Variants in FGD2 observed in about 807,000 individuals in gnomAD.
FGD2 encodes the protein FYVE, RhoGEF and PH domain containing 2.
FGD2 carries 52 observed loss-of-function variants against 75.9 expected under a neutral mutation model. That is an observed-to-expected ratio of 0.69 (90% CI 0.55 to 0.86). FGD2 has a LOEUF of 0.86. FGD2 is among the 40% of genes least tolerant of loss of function. FGD2 has a pLI of 0.00. For synonymous variants in FGD2, 347 were observed against 348.6 expected (o/e 1.00, Z 0.05); for missense variants, 790 against 872.0 (o/e 0.91, Z 1.18).
rs781196997 is a variant in FGD2 at position 37,028,615 on chromosome 6, C to CTTCTTTTTTT, written c.*454_*455insCTTTTTTTTT. 1.1e-4 allele frequency: 9 copies of CTTCTTTTTTT among 79,026 alleles called. No homozygotes were observed. Among genetic ancestry groups the CTTCTTTTTTT allele is most frequent in the African/African-American group, 5.0e-4 (9 of 18,144 alleles). 4.9% of individuals were successfully genotyped at this position (79,026 alleles called of 1,614,324 possible). A position where few individuals can be genotyped will look rare whatever the true frequency, so the allele number is the denominator to read the frequency against. ...GGCTGAGTTGGGGGAGGCATGGGGT[C>CTTCTTTTTTT]TTTTTTTTTTTTTTTTTGAGACAGA... On this transcript the variant is annotated 3_prime_UTR_variant, in exon 16 of 16. Coordinates refer to ENST00000274963, the MANE Select transcript of FGD2 (RefSeq NM_173558.4).
chr6:37,018,283 C>T (rs955475585), intron 9 of FGD2, among the ~76,000 whole-genome samples: 11 of 152,110 alleles, frequency 7.2e-5, no homozygotes, highest in Non-Finnish European at 1.6e-4. Flanking sequence ...CTGTGTGTGC[C>T]GGGTCTCTGG....
rs773073020 is a variant in FGD2 at position 37,009,059 on chromosome 6, G to A, written c.294G>A (p.Gly98=). The change falls in exon 2 of 16, where the codon GGG becomes GGA. Residue 98 remains glycine (G), a synonymous_variant. Transcript: ENST00000274963. ...SCQPVTLSGS[G]TQEPEKKIVQ... Reference sequence around the variant, plus strand: ...AGCCTGTGACCCTCTCAGGATCGGGGACGCAGGTGCCTGAGGGCTGAGGTA... The same window carrying A: ...AGCCTGTGACCCTCTCAGGATCGGGAACGCAGGTGCCTGAGGGCTGAGGTA... 5 of 1,613,944 alleles carry A rather than the reference G, an allele frequency of 3.1e-6. No homozygotes were observed. Among genetic ancestry groups the A allele is most frequent in the Non-Finnish European group, 4.2e-6 (5 of 1,179,936 alleles).
chr6:37,021,755 C>T (rs1765601224), intron 12 of FGD2, 151 bp downstream of exon 12: 1 of 698,694 alleles, frequency 1.4e-6, no homozygotes, highest in Admixed American at 2.9e-5. Flanking sequence ...CCAGCGCATC[C>T]CCCGACTCAG....
In FGD2 at chr6:37,028,229, C is replaced by A; in HGVS notation, c.*66C>A. 2.2e-6 allele frequency: 3 copies of A among 1,391,860 alleles called. No homozygotes were observed. The highest frequency in any genetic ancestry group is 2.8e-6 in the Non-Finnish European group (3 of 1,053,346). 86.2% of individuals were successfully genotyped at this position (1,391,860 alleles called of 1,614,324 possible). ...GAACCCAGCTCCTGCCACAGACTGACCCTGTGGCCTCAGTGACCCACTGCC... is the reference window on the plus strand; with the variant it reads ...GAACCCAGCTCCTGCCACAGACTGAACCTGTGGCCTCAGTGACCCACTGCC... On this transcript the variant is annotated 3_prime_UTR_variant, in exon 16 of 16. Coordinates refer to ENST00000274963, the MANE Select transcript of FGD2 (RefSeq NM_173558.4).
chr6:37,024,959 T>G (rs1765748843), intron 13 of FGD2: 1 of 152,416 alleles, frequency 6.6e-6, no homozygotes, highest in Non-Finnish European at 1.5e-5. Context: ...TGGTGCCGCC[T>G]GATGAACTAC....
chr6:37,014,139 C>T lies in FGD2; in HGVS notation c.823+39C>T, dbSNP rs533914928. On this transcript the variant is annotated intron_variant, in intron 6 of 15. Transcript: ENST00000274963. Reference sequence around the variant, plus strand: ...CAGGGGTCCCAGGGGGCTGAGGAGGCCTAAGCCATTCCCATATACTTACTG... The same window carrying T: ...CAGGGGTCCCAGGGGGCTGAGGAGGTCTAAGCCATTCCCATATACTTACTG... The T allele has an allele frequency of 5.6e-6, 9 of 1,598,108 alleles. 1 individual carries two copies. In the African/African-American group the frequency reaches 9.4e-5, roughly 17 times the overall value.
chr6:37,006,689 G>C (rs1764770918), intron 1 of FGD2, among the ~76,000 whole-genome samples: 1 of 152,160 alleles, frequency 6.6e-6, no homozygotes, highest in Admixed American at 6.5e-5. Flanking sequence ...TTAAGCTCAG[G>C]ACTGTGTTAG....
At chr6:37,014,125 G>C (rs1198726835) in intron 6 of FGD2, 25 bp downstream of exon 6, 32 of 1,608,466 alleles carry the variant, frequency 2.0e-5, no homozygotes, top group Non-Finnish European at 2.7e-5. Flanking sequence ...AGGGGTCCCA[G>C]GGGGCTGAGG....
intron 13 of FGD2, chr6:37,025,553 T>G (rs1583325837): frequency 3.7e-6 from 2 of 545,802 alleles, no homozygotes; most frequent in Non-Finnish European, 6.6e-6. Flanking sequence ...GGGGGCCGGG[T>G]CTTGAACCCT....
chr6:37,011,160 T>C, intron 3 of FGD2, 110 bp downstream of exon 3: 1 of 1,076,904 alleles, frequency 9.3e-7, no homozygotes, highest in South Asian at 1.3e-5. Context: ...AGCCCTGGCT[T>C]TGACTCCAGG....
At chr6:37,022,188 GGAA>G (rs1561939841) in intron 12 of FGD2, 48 bp from the exon 13 acceptor site, 1 of 1,568,362 alleles carries the variant, frequency 6.4e-7, no homozygotes, top group South Asian at 1.2e-5. Flanking sequence ...GAGGATGGGC[GGAA>G]GAAGGTCACC....
At chr6:37,019,420 G>A (rs1765457306) in intron 9 of FGD2, among the ~76,000 whole-genome samples, 2 of 152,244 alleles carry the variant, frequency 1.3e-5, no homozygotes, top group African/African-American at 4.8e-5. Flanking sequence ...GAGGAAAGAT[G>A]TGCTTGTACT....
rs539897736 is a variant in FGD2, at chr6:37,022,218, C to T, written c.1327-21C>T. On this transcript the variant is annotated intron_variant, in intron 12 of 15. Coordinates refer to ENST00000274963, the MANE Select transcript of FGD2 (RefSeq NM_173558.4). ...AAGGTCACCAAGGGCCCATTCCTGC[C>T]CAACTCCCCTTAACCCACAGCTGCA... 6 of 1,596,330 alleles carry T rather than the reference C, an allele frequency of 3.8e-6. No individual in the cohort carries two copies. In the East Asian group the frequency reaches 1.2e-4, roughly 31 times the overall value.
chr6:37,023,032 T>C (rs1765666177), intron 13 of FGD2: 2 of 155,498 alleles, frequency 1.3e-5, no homozygotes, highest in Non-Finnish European at 2.9e-5. Flanking sequence ...GACCCAGAGC[T>C]AGGAAATGGT....
intron 9 of FGD2, among the ~76,000 whole-genome samples, chr6:37,020,140 C>A (rs1463920445): frequency 6.6e-5 from 10 of 152,236 alleles, no homozygotes; most frequent in Non-Finnish European, 1.5e-4. Context: ...GCGTGAGCCA[C>A]TGCACCCAGC....
intron 15 of FGD2, 89 bp from the exon 16 acceptor site, chr6:37,027,859 G>C (rs1279113466): frequency 7.0e-6 from 10 of 1,423,220 alleles, no homozygotes; most frequent in Non-Finnish European, 6.8e-6. Context: ...GGTGTGAGCT[G>C]TGCGTGCGTG....
intron 12 of FGD2, chr6:37,021,819 T>G (rs1274149111): frequency 5.2e-5 from 28 of 542,516 alleles, no homozygotes; most frequent in Non-Finnish European, 3.9e-5. Flanking sequence ...TCTGCACAGC[T>G]GTCTTGGGGA....
intron 13 of FGD2, chr6:37,023,650 A>T (rs1765691674): frequency 6.6e-6 from 1 of 152,172 alleles, no homozygotes; most frequent in Admixed American, 6.5e-5. Flanking sequence ...GTGTCCCCAA[A>T]ATGTGTTCAA....
rs1188928541 is a variant in FGD2 at position 37,015,755 on chromosome 6, G to C, written c.1030-13G>C. The C allele has an allele frequency of 3.2e-6, 5 of 1,575,080 alleles. No homozygotes were observed. The highest frequency in any genetic ancestry group is 4.3e-6 in the Non-Finnish European group (5 of 1,160,412). ...CCCCTGCCACGGGCCACTCACGCCTGTGTCTCCTGCAGTTCAACAACATGC... is the reference window on the plus strand; with the variant it reads ...CCCCTGCCACGGGCCACTCACGCCTCTGTCTCCTGCAGTTCAACAACATGC... On this transcript the variant is annotated splice_polypyrimidine_tract_variant and intron_variant, in intron 8 of 15. Coordinates refer to ENST00000274963, the MANE Select transcript of FGD2 (RefSeq NM_173558.4).
Sources: allele counts gnomAD v4.1 joint callset (sites outside exome capture counted in the v4.1 genomes callset), GRCh38; gene constraint gnomAD v4.1.1; transcripts MANE v1.5; gene names NCBI Gene and HGNC (gene_info 2026-07-23, HGNC 2026-07-21).